Variants in OR1B1 observed in about 807,000 individuals in gnomAD.
OR1B1 encodes olfactory receptor 1B1.
For synonymous variants in OR1B1, 168 were observed against 156.2 expected, an observed-to-expected ratio of 1.08 and a Z score of -0.57; for missense variants, 414 against 402.1, an observed-to-expected ratio of 1.03 and a Z score of -0.25.
chr9:122,634,593 C>T, the OR1B1 span, among the ~76,000 whole-genome samples: 6 of 151,962 alleles, frequency 3.9e-5, no homozygotes, highest in East Asian at 1.9e-4. Context: ...TGCACTATCA[C>T]GAGAACAGCA....
At chr9:122,643,051 C>G in the OR1B1 span, among the ~76,000 whole-genome samples, 1 of 152,080 alleles carries the variant, frequency 6.6e-6, no homozygotes, top group Non-Finnish European at 1.5e-5. Flanking sequence ...GGCAAGATGG[C>G]AGAATAGAAG....
the OR1B1 span, among the ~76,000 whole-genome samples, chr9:122,651,333 C>T: frequency 6.6e-6 from 1 of 152,160 alleles, no homozygotes; most frequent in Non-Finnish European, 1.5e-5. Context: ...CATTCAATAT[C>T]CACCTTCTAG....
At chr9:122,637,029 G>A in the OR1B1 span, 1 of 152,254 alleles carries the variant, frequency 6.6e-6, no homozygotes, top group East Asian at 1.9e-4. Context: ...TCATTTTTAG[G>A]TACTAAAATT....
At chr9:122,637,789 G>C in the OR1B1 span, among the ~76,000 whole-genome samples, 1 of 152,084 alleles carries the variant, frequency 6.6e-6, no homozygotes, top group African/African-American at 2.4e-5. Context: ...AGTTTTTTAA[G>C]ATTCATTTTG....
In OR1B1 at chr9:122,628,925, G is replaced by A. The variant is rs1191636526; in HGVS notation, c.611C>T (p.Ala204Val). The change falls in exon 1 of 1, where the codon GCC becomes GTC. Residue 204 changes from alanine (A) to valine (V), a missense_variant. Ala to Val is a moderately conservative substitution (Grantham distance 64, BLOSUM62 0). Coordinates refer to ENST00000623530, the Ensembl canonical transcript of OR1B1. ...AAGGAAGCCACCCTCAAAGAATATG[G>A]CCAGCTCATTAGAATGTATGTCAGA... is the stretch of plus-strand genomic sequence containing the variant. 1.2e-6 allele frequency: 2 copies of A among 1,614,046 alleles called. 1 individual carries two copies. The highest frequency in any genetic ancestry group is 2.2e-5 in the South Asian group (2 of 91,078).
At chr9:122,650,330 A>C in the OR1B1 span, among the ~76,000 whole-genome samples, 1 of 152,182 alleles carries the variant, frequency 6.6e-6, no homozygotes, top group Admixed American at 6.5e-5. Context: ...GTAAACCACC[A>C]CAGCACGTGT....
chr9:122,645,252 GA>G, the OR1B1 span, among the ~76,000 whole-genome samples: 9 of 148,314 alleles, frequency 6.1e-5, no homozygotes, highest in South Asian at 6.4e-4. Context: ...GGAGACAAAA[GA>G]AAAAAAAACA....
chr9:122,642,365 G>A, the OR1B1 span, among the ~76,000 whole-genome samples: 4 of 152,182 alleles, frequency 2.6e-5, no homozygotes, highest in Admixed American at 2.6e-4. Context: ...GGACGGCTGT[G>A]ACTCTGGATT....
the OR1B1 span, among the ~76,000 whole-genome samples, chr9:122,638,614 C>T: frequency 1.3e-5 from 2 of 152,034 alleles, no homozygotes; most frequent in Non-Finnish European, 2.9e-5. Flanking sequence ...GATTTATCTC[C>T]AAAACAATTT....
chr9:122,633,802 T>C (rs1830227943), upstream of OR1B1, among the ~76,000 whole-genome samples: 1 of 151,812 alleles, frequency 6.6e-6, no homozygotes, highest in African/African-American at 2.4e-5. Context: ...TGGTGGGACA[T>C]GCCTGTGGTC....
At chr9:122,637,538 T>G in the OR1B1 span, among the ~76,000 whole-genome samples, 1 of 152,188 alleles carries the variant, frequency 6.6e-6, no homozygotes, top group African/African-American at 2.4e-5. Flanking sequence ...GGAAAGTTAG[T>G]CTAAGGAAAA....
the OR1B1 span, among the ~76,000 whole-genome samples, chr9:122,644,137 A>G: frequency 6.6e-6 from 1 of 152,138 alleles, no homozygotes; most frequent in Non-Finnish European, 1.5e-5. Context: ...ACAGTAGGGT[A>G]AAGCAATAAT....
the OR1B1 span, among the ~76,000 whole-genome samples, chr9:122,651,238 T>C: frequency 1.3e-5 from 2 of 152,250 alleles, no homozygotes; most frequent in Non-Finnish European, 2.9e-5. Context: ...CATACTGTGA[T>C]CAATATGTAC....
At chr9:122,652,878 C>T in the OR1B1 span, among the ~76,000 whole-genome samples, 369 of 152,258 alleles carry the variant, frequency 2.4e-3, no homozygotes, top group South Asian at 7.7e-3. Context: ...TTGTCTCTTA[C>T]GGAATGTAGC....
At chr9:122,628,640 T>C in exon 1 of OR1B1, 1 of 1,614,064 alleles carries the variant, frequency 6.2e-7, no homozygotes, top group Non-Finnish European at 8.5e-7. Context: ...ATCCTTATTG[T>C]GGAGGCTATA....
At chr9:122,646,150 A>G in the OR1B1 span, among the ~76,000 whole-genome samples, 23 of 152,278 alleles carry the variant, frequency 1.5e-4, no homozygotes, top group East Asian at 4.4e-3. Context: ...ATAAGATAGT[A>G]TTTGCAAGCC....
the OR1B1 span, among the ~76,000 whole-genome samples, chr9:122,656,241 C>T: frequency 1.3e-5 from 2 of 152,120 alleles, no homozygotes; most frequent in South Asian, 2.1e-4. Context: ...GGAAACAAAT[C>T]CTTGAAGCTT....
the OR1B1 span, among the ~76,000 whole-genome samples, chr9:122,655,327 G>GT: frequency 6.6e-6 from 1 of 152,128 alleles, no homozygotes; most frequent in Non-Finnish European, 1.5e-5. Context: ...GGTCCAGACT[G>GT]TTCCTGACCA....
chr9:122,640,025 A>G, the OR1B1 span, among the ~76,000 whole-genome samples: 2 of 152,064 alleles, frequency 1.3e-5, no homozygotes, highest in African/African-American at 4.8e-5. Flanking sequence ...GATTTTACAA[A>G]TGGGGAAACT....
Sources: gnomAD v4.1 joint callset for allele counts (sites outside exome capture counted in the v4.1 genomes callset) on GRCh38, gnomAD v4.1.1 for gene constraint, MANE v1.5 for transcripts, NCBI Gene and HGNC (gene_info 2026-07-23, HGNC 2026-07-21) for gene names.